The following ATXN2 variants were observed in gnomAD, a reference collection of about 807,000 sequenced individuals.
The protein encoded by ATXN2 is ataxin 2.
In ATXN2, 37 loss-of-function variants were observed where a neutral mutation model predicts 138.6. That is an observed-to-expected ratio of 0.27 (90% CI 0.21 to 0.35). ATXN2 has a LOEUF of 0.35. Among genes scored for constraint, ATXN2 ranks in the 10% least tolerant of loss-of-function variants. ATXN2 has a pLI of 1.00. For missense variants in ATXN2, 1,216 were observed against 1,480.3 expected (o/e 0.82, Z 2.93); for synonymous variants, 549 against 543.7 (o/e 1.01, Z -0.13).
chr12:111,596,871 T>C (rs982846842), intron 1 of ATXN2, among the ~76,000 whole-genome samples: 2 of 152,226 alleles, frequency 1.3e-5, no homozygotes, highest in African/African-American at 2.4e-5. Context: ...AATTCTCTTA[T>C]AATCTAATTT....
intron 1 of ATXN2, among the ~76,000 whole-genome samples, chr12:111,586,866 T>C (rs1884370796): frequency 6.6e-6 from 1 of 152,076 alleles, no homozygotes. Context: ...CTCATTGCTG[T>C]TAATATATCT....
chr12:111,598,955 TGC>T lies in ATXN2; in HGVS notation c.78_79del (p.Gln27AlafsTer62). Reference sequence around the variant, plus strand: ...ATTGGCAGCCGCGGGCGGCGGCTGCTGCTGCTGCTGCTGCTGCTGCTGTTGCT... The same window carrying T: ...ATTGGCAGCCGCGGGCGGCGGCTGCTTGCTGCTGCTGCTGCTGCTGTTGCT... On this transcript the variant is annotated frameshift_variant, in exon 1 of 25. Coordinates refer to ENST00000673436, the MANE Select transcript of ATXN2 (RefSeq NM_001372574.1). LOFTEE classifies it high-confidence loss of function. This position sits in a 1 kb window ranked among gnomAD's most constrained non-coding sequence, Gnocchi z 4.5. The T allele has an allele frequency of 1.4e-6, 1 of 700,394 alleles. No homozygotes were observed. The allele number at this position is 700,394 out of a possible 1,614,324, so 43.4% of individuals were successfully genotyped here.
chr12:111,466,201 TAAAAAAA>T (rs770117015), intron 20 of ATXN2, among the ~76,000 whole-genome samples: 3 of 119,166 alleles, frequency 2.5e-5, no homozygotes, highest in African/African-American at 8.9e-5. Flanking sequence ...AAATAAAAAA[TAAAAAAA>T]AAAAAAGAGG....
chr12:111,491,884 T>G (rs1878058642), intron 14 of ATXN2, among the ~76,000 whole-genome samples: 1 of 151,902 alleles, frequency 6.6e-6, no homozygotes, highest in East Asian at 1.9e-4. Context: ...TCAGCCCCAG[T>G]ACAATAAAGC....
chr12:111,539,518 C>T lies in ATXN2; in HGVS notation c.571+12762G>A, dbSNP rs1024357582. On this transcript the variant is annotated intron_variant, in intron 5 of 24. Coordinates refer to ENST00000673436, the MANE Select transcript of ATXN2 (RefSeq NM_001372574.1). ...ATCCCAGCACTTTGGGAGGCCGAGG[C>T]GGATGGATCACGAGGTCAGGAGATT... Among the ~76,000 whole-genome samples the T allele has an allele frequency of 1.3e-5, 2 of 150,092 alleles. 1 individual carries two copies. Among genetic ancestry groups the T allele is most frequent in the Non-Finnish European group, 3.0e-5 (2 of 67,010 alleles).
Position 111,470,859 on chromosome 12 carries a change from T to C in ATXN2, c.2525-117A>G, listed in dbSNP as rs1471980392. The C allele has an allele frequency of 9.5e-6, 10 of 1,057,540 alleles. No homozygotes were observed. In the African/African-American group the frequency reaches 1.3e-4, roughly 13 times the overall value. The allele number at this position is 1,057,540 out of a possible 1,614,324, so 65.5% of individuals were successfully genotyped here. A position where few individuals can be genotyped will look rare whatever the true frequency, so the allele number is the denominator to read the frequency against. ...CCCTGAATCTGCGTCTCTGATGCCATCTCATACCACTCCCACTTCTGCCAC... is the reference window on the plus strand; with the variant it reads ...CCCTGAATCTGCGTCTCTGATGCCACCTCATACCACTCCCACTTCTGCCAC... On this transcript the variant is annotated intron_variant, in intron 18 of 24. Coordinates refer to ENST00000673436, the MANE Select transcript of ATXN2 (RefSeq NM_001372574.1).
chr12:111,478,697 T>A (rs1380025755), intron 18 of ATXN2, among the ~76,000 whole-genome samples: 1 of 152,186 alleles, frequency 6.6e-6, no homozygotes, highest in Non-Finnish European at 1.5e-5. Context: ...ATTGCTAGTT[T>A]CTTATTAATT....
chr12:111,465,767 CAAAAAAAAAA>C (rs61456193), intron 20 of ATXN2, among the ~76,000 whole-genome samples: 4 of 36,270 alleles, frequency 1.1e-4, no homozygotes, highest in South Asian at 1.0e-3. Flanking sequence ...GAGACTACCT[CAAAAAAAAAA>C]AAAAAAAAAA....
intron 5 of ATXN2, among the ~76,000 whole-genome samples, chr12:111,532,253 GC>G (rs1880878581): frequency 1.3e-5 from 2 of 152,140 alleles, no homozygotes; most frequent in Non-Finnish European, 2.9e-5. Flanking sequence ...GCCAAGGCAG[GC>G]GGATCACTTG....
chr12:111,581,349 C>T, intron 1 of ATXN2: 1 of 579,186 alleles, frequency 1.7e-6, no homozygotes, highest in South Asian at 1.8e-5. Context: ...ACCCCAGCAA[C>T]CCGACCACAG....
intron 5 of ATXN2, among the ~76,000 whole-genome samples, chr12:111,547,820 C>T (rs1592888632): frequency 1.5e-5 from 2 of 130,084 alleles, no homozygotes; most frequent in African/African-American, 2.9e-5. Context: ...TAGTCTGCAT[C>T]TTATATTGCT....
intron 21 of ATXN2, 25 bp downstream of exon 21, chr12:111,464,637 A>C: frequency 6.4e-7 from 1 of 1,571,504 alleles, no homozygotes. Context: ...TACAATTAAA[A>C]ATTAGTATAA....
At chr12:111,568,168 G>A (rs950757333) in intron 1 of ATXN2, among the ~76,000 whole-genome samples, 5 of 151,830 alleles carry the variant, frequency 3.3e-5, no homozygotes, top group African/African-American at 1.2e-4. Flanking sequence ...GGCTGAGGCA[G>A]GAGAATCGCT....
chr12:111,464,618 G>T, intron 21 of ATXN2, 44 bp downstream of exon 21: 1 of 1,486,012 alleles, frequency 6.7e-7, no homozygotes, highest in Non-Finnish European at 9.4e-7. Context: ...TTTAAAAAGT[G>T]TTTTACTGTA....
intron 14 of ATXN2, among the ~76,000 whole-genome samples, chr12:111,494,574 T>G (rs955564803): frequency 6.6e-6 from 1 of 152,060 alleles, no homozygotes; most frequent in Non-Finnish European, 1.5e-5. Flanking sequence ...TACAGGCACG[T>G]GCCTCCACGC....
Position 111,453,414 on chromosome 12 carries a change from A to G in ATXN2, c.3439+263T>C, listed in dbSNP as rs1159017414. ...AAGGAAGGCCAACTGAGTCCTAGGC[A>G]TGCATCAGGCTGCTGTTGCTGCTGC... On this transcript the variant is annotated intron_variant, in intron 24 of 24. Transcript: ENST00000673436. This position sits in a 1 kb window ranked among gnomAD's most constrained non-coding sequence, Gnocchi z 5.4. 1.6e-6 allele frequency: 2 copies of G among 1,227,274 alleles called. No individual in the cohort carries two copies. Among genetic ancestry groups the G allele is most frequent in the African/African-American group, 3.1e-5 (2 of 63,810 alleles). 76.0% of individuals were successfully genotyped at this position (1,227,274 alleles called of 1,614,324 possible). A position where few individuals can be genotyped will look rare whatever the true frequency, so the allele number is the denominator to read the frequency against.
At chr12:111,513,216 T>C in intron 11 of ATXN2, 141 bp downstream of exon 11, 2 of 915,310 alleles carry the variant, frequency 2.2e-6, no homozygotes, top group Middle Eastern at 3.5e-4. Context: ...AATAAAAATA[T>C]GGGTTTCCCA....
chr12:111,596,999 T>A (rs1357634617), intron 1 of ATXN2, among the ~76,000 whole-genome samples: 1 of 152,168 alleles, frequency 6.6e-6, no homozygotes, highest in African/African-American at 2.4e-5. Flanking sequence ...ACAGAATACA[T>A]CCTTTTCTAT....
Position 111,453,522 on chromosome 12 carries a change from G to C in ATXN2, c.3439+155C>G, listed in dbSNP as rs1263184586. 6.5e-6 allele frequency: 9 copies of C among 1,387,172 alleles called. No homozygotes were observed. Among genetic ancestry groups the C allele is most frequent in the Non-Finnish European group, 7.5e-6 (8 of 1,073,638 alleles). The allele number at this position is 1,387,172 out of a possible 1,614,324, so 85.9% of individuals were successfully genotyped here. A position where few individuals can be genotyped will look rare whatever the true frequency, so the allele number is the denominator to read the frequency against. On this transcript the variant is annotated intron_variant, in intron 24 of 24. Transcript: ENST00000673436. This position sits in a 1 kb window ranked among gnomAD's most constrained non-coding sequence, Gnocchi z 5.4. ...CCCGGAAGCCTCAGGCCCTGATGCT[G>C]AACTGATCGTCACAGTCCCTCCTGT...
Sources: allele counts gnomAD v4.1 joint callset (sites outside exome capture counted in the v4.1 genomes callset), GRCh38; gene constraint gnomAD v4.1.1; non-coding constraint Gnocchi (gnomAD v3.1); transcripts MANE v1.5; gene names NCBI Gene and HGNC (gene_info 2026-07-23, HGNC 2026-07-21).